The following PCSK6 variants were observed in gnomAD, a reference collection of about 807,000 sequenced individuals.
PCSK6 encodes the protein paired basic amino acid cleaving enzyme 4.
In PCSK6, 85 loss-of-function variants were observed where a neutral mutation model predicts 123.3. That is an observed-to-expected ratio of 0.69 (90% confidence interval 0.58 to 0.83). The LOEUF (loss-of-function observed/expected upper bound fraction) is 0.83. Among genes scored for constraint, PCSK6 ranks in the 40% least tolerant of loss-of-function variants. The pLI, the probability that PCSK6 is intolerant of heterozygous loss-of-function variation, is 0.00. For synonymous variants in PCSK6, 508 were observed against 516.0 expected, an observed-to-expected ratio of 0.98 and a Z score of 0.21; for missense variants, 1,191 against 1,282.3, an observed-to-expected ratio of 0.93 and a Z score of 1.09.
intron 6 of PCSK6, among the ~76,000 whole-genome samples, chr15:101,419,059 A>G (rs1447157792): frequency 6.6e-6 from 1 of 152,214 alleles, no homozygotes; most frequent in Non-Finnish European, 1.5e-5. Context: ...AACAGAACCT[A>G]TAAACCACCA....
chr15:101,450,814 G>C (rs530717695), intron 1 of PCSK6, among the ~76,000 whole-genome samples: 3 of 152,160 alleles, frequency 2.0e-5, no homozygotes, highest in East Asian at 3.9e-4. Context: ...GGAGGCTATG[G>C]AGCCAGGCAG....
At chr15:101,403,745 C>A (rs1013830974) in intron 6 of PCSK6, among the ~76,000 whole-genome samples, 1 of 151,420 alleles carries the variant, frequency 6.6e-6, no homozygotes, top group Non-Finnish European at 1.5e-5. Context: ...TTTGAGATGG[C>A]GTCTCGCTCT....
In PCSK6 at chr15:101,327,368, G is replaced by GGCACGCTGCAGGGGTCCTCC. The variant is rs1487873650; in HGVS notation, c.2078-909_2078-890dup. 2.0e-5 allele frequency among the ~76,000 whole-genome samples: 3 copies of GGCACGCTGCAGGGGTCCTCC among 152,176 alleles called. 1 individual carries two copies. Among genetic ancestry groups the GGCACGCTGCAGGGGTCCTCC allele is most frequent in the African/African-American group, 7.2e-5 (3 of 41,438 alleles). On this transcript the variant is annotated intron_variant, in intron 15 of 21. Transcript: ENST00000611716. The stretch of plus-strand genomic sequence containing the variant: ...AGGTCTACCCGTCAGGCGGGGGCGG[G>GGCACGCTGCAGGGGTCCTCC]GCACGCTGCAGGGGTCCTCCCCACG...
chr15:101,376,303 T>C (rs186746313), intron 11 of PCSK6, among the ~76,000 whole-genome samples: 160 of 152,174 alleles, frequency 1.1e-3, no homozygotes, highest in Middle Eastern at 3.4e-3. Context: ...TGGCCCCAAG[T>C]GCAGTGCTGA....
chr15:101,377,860 A>T (rs1165613951), intron 11 of PCSK6, among the ~76,000 whole-genome samples: 1 of 152,244 alleles, frequency 6.6e-6, no homozygotes, highest in Non-Finnish European at 1.5e-5. Flanking sequence ...AGACAGGCCA[A>T]GCTAAACTGT....
At chr15:101,345,395 G>C (rs1182144749) in intron 13 of PCSK6, among the ~76,000 whole-genome samples, 1 of 151,726 alleles carries the variant, frequency 6.6e-6, no homozygotes, top group Non-Finnish European at 1.5e-5. Flanking sequence ...CTAATATTTA[G>C]ACTGAAAAAA....
At chr15:101,314,865 G>A (rs1355403806) in intron 19 of PCSK6, among the ~76,000 whole-genome samples, 8 of 152,220 alleles carry the variant, frequency 5.3e-5, no homozygotes. Context: ...TCTGGTTTAT[G>A]TTGTTCTGGA....
chr15:101,486,820 T>C (rs1383940182), intron 1 of PCSK6, among the ~76,000 whole-genome samples: 2 of 152,190 alleles, frequency 1.3e-5, no homozygotes, highest in African/African-American at 4.8e-5. Context: ...TTCAGGCAAG[T>C]ACAGAACATA....
At chr15:101,382,305 A>G in intron 10 of PCSK6, 96 bp from the exon 11 acceptor site, 1 of 938,850 alleles carries the variant, frequency 1.1e-6, no homozygotes, top group Non-Finnish European at 1.6e-6. Flanking sequence ...TGGAGGACAG[A>G]GGGACCGTAA....
At chr15:101,422,836 T>A (rs1436053008) in intron 6 of PCSK6, among the ~76,000 whole-genome samples, 1 of 151,860 alleles carries the variant, frequency 6.6e-6, no homozygotes, top group East Asian at 1.9e-4. Context: ...TTAGCCAGGA[T>A]GGTCTCAATC....
chr15:101,328,768 G>T (rs2040313583), intron 15 of PCSK6, among the ~76,000 whole-genome samples: 1 of 152,222 alleles, frequency 6.6e-6, no homozygotes, highest in Admixed American at 6.5e-5. Context: ...GCCCATCCAA[G>T]GGTGGAGATG....
chr15:101,397,931 G>A (rs1197994961), intron 7 of PCSK6, among the ~76,000 whole-genome samples: 4 of 152,232 alleles, frequency 2.6e-5, no homozygotes, highest in African/African-American at 9.6e-5. Context: ...CGCTGGTGGG[G>A]GACACCCCGA....
At chr15:101,313,027 A>G (rs2039903625) in intron 20 of PCSK6, 7 of 1,183,038 alleles carry the variant, frequency 5.9e-6, no homozygotes, top group Non-Finnish European at 7.4e-6. Flanking sequence ...TTTTTAACCC[A>G]AAACATGGTT....
intron 1 of PCSK6, among the ~76,000 whole-genome samples, chr15:101,483,314 G>T (rs1160017463): frequency 6.6e-6 from 1 of 152,206 alleles, no homozygotes; most frequent in Non-Finnish European, 1.5e-5. Flanking sequence ...TCTGCAGCAT[G>T]ACAATTTTCC....
chr15:101,468,279 T>C (rs1462463053), intron 1 of PCSK6, among the ~76,000 whole-genome samples: 1 of 152,136 alleles, frequency 6.6e-6, no homozygotes, highest in Non-Finnish European at 1.5e-5. Context: ...ATCCTTGTCA[T>C]TGTCACCATC....
Position 101,428,057 on chromosome 15 carries a change from G to T in PCSK6, c.735-77C>A, listed in dbSNP as rs367659516. ...AATTCAGTGCCTGGCTCAGTTCAAT[G>T]CAACAAGAGAGTCAGTTGTCCGAAG... On this transcript the variant is annotated intron_variant, in intron 5 of 21. Transcript: ENST00000611716. The T allele has an allele frequency of 4.2e-5, 49 of 1,173,702 alleles. No homozygotes were observed. In the African/African-American group the frequency reaches 6.4e-4, roughly 15 times the overall value. The allele number at this position is 1,173,702 out of a possible 1,614,324, so 72.7% of individuals were successfully genotyped here. A position where few individuals can be genotyped will look rare whatever the true frequency, so the allele number is the denominator to read the frequency against.
intron 1 of PCSK6, 114 bp downstream of exon 1, chr15:101,489,260 T>C: frequency 1.5e-6 from 1 of 650,910 alleles, no homozygotes; most frequent in Non-Finnish European, 1.8e-6. Context: ...TCCCGGAGCC[T>C]TCCCACGCGC....
chr15:101,403,652 C>T (rs2042678061), intron 6 of PCSK6, among the ~76,000 whole-genome samples: 1 of 152,316 alleles, frequency 6.6e-6, no homozygotes, highest in African/African-American at 2.4e-5. Context: ...TCCTCCCTGT[C>T]ACCCCCAGCT....
At chr15:101,326,344 T>G in intron 16 of PCSK6, 33 bp downstream of exon 16, 1 of 1,518,010 alleles carries the variant, frequency 6.6e-7, no homozygotes, top group Non-Finnish European at 9.0e-7. Context: ...AGTCACTGAG[T>G]GGTGAGCCAC....
Sources: gnomAD v4.1 joint callset for allele counts (sites outside exome capture counted in the v4.1 genomes callset) on GRCh38, gnomAD v4.1.1 for gene constraint, MANE v1.5 for transcripts, NCBI Gene and HGNC (gene_info 2026-07-23, HGNC 2026-07-21) for gene names.